The following CYP2E1 variants were observed in gnomAD, a reference collection of about 807,000 sequenced individuals.
The protein encoded by CYP2E1 is cytochrome P450 family 2 subfamily E member 1, also known as cytochrome P450 2E1.
Under a neutral mutation model 42.9 loss-of-function variants are expected in CYP2E1, and 31 were observed. The ratio of observed to expected loss-of-function variants is 0.72; its 90% CI spans 0.54 to 0.98. The LOEUF (loss-of-function observed/expected upper bound fraction) is 0.98, where lower values mean the gene tolerates loss of function less well. Ranked by LOEUF, CYP2E1 falls within the 50% of genes least tolerant of loss-of-function variation. The probability of loss-of-function intolerance (pLI) is 0.00; values close to 1 mark genes in which losing one functional copy is unlikely to be tolerated. For missense variants in CYP2E1, 565 were observed against 633.2 expected, an observed-to-expected ratio of 0.89 and a Z score of 1.16; for synonymous variants, 244 against 248.9, an observed-to-expected ratio of 0.98 and a Z score of 0.19.
At chr10:133,538,263 C>G (rs1851429459) in intron 8 of CYP2E1, among the ~76,000 whole-genome samples, 1 of 152,128 alleles carries the variant, frequency 6.6e-6, no homozygotes, top group Non-Finnish European at 1.5e-5. Context: ...CAAAACCTAA[C>G]CTTTGGTTAC....
chr10:133,528,721 G>C, intron 2 of CYP2E1, 81 bp downstream of exon 2: 1 of 1,518,956 alleles, frequency 6.6e-7, no homozygotes, highest in Non-Finnish European at 9.0e-7. Flanking sequence ...CGTCGGCGAT[G>C]GCCAAATAAT....
In CYP2E1 at chr10:133,528,551, A is replaced by G; in HGVS notation, c.248A>G (p.Tyr83Cys). ...GSQRMVVMHG[Y>C]KAVKEALLDY... The stretch of plus-strand genomic sequence containing the variant: ...CAGCGCATGGTGGTGATGCACGGCT[A>G]CAAGGCGGTGAAGGAAGCGCTGCTG... Residue 83 changes from tyrosine (Y) to cysteine (C), a missense_variant, in exon 2 of 9, where the codon TAC becomes TGC. By Grantham distance (194) the Tyr-to-Cys change is radical (BLOSUM62 -2). Transcript: ENST00000252945. The G allele has an allele frequency of 6.2e-7, 1 of 1,613,500 alleles. No individual in the cohort carries two copies. The highest frequency in any genetic ancestry group is 8.5e-7 in the Non-Finnish European group (1 of 1,179,942).
In CYP2E1 at chr10:133,537,083, G is replaced by T. The variant is rs1337093867; in HGVS notation, c.988G>T (p.Asp330Tyr). The change falls in exon 7 of 9, where the codon GAC becomes TAC. Residue 330 changes from aspartate (D) to tyrosine (Y), a missense_variant. Physicochemically the swap from Asp to Tyr is radical, Grantham distance 160 (BLOSUM62 -3). Transcript: ENST00000252945. ...GGCAGAGAAGCTCCATGAAGAAATT[G>T]ACAGGGTGATTGGGCCAAGCCGAAT... ...EIEEKLHEEI[D>Y]RVIGPSRIPA... 6.2e-7 allele frequency: 1 copy of T among 1,613,730 alleles called. No individual in the cohort carries two copies. Among genetic ancestry groups the T allele is most frequent in the South Asian group, 1.1e-5 (1 of 91,032 alleles).
At chr10:133,538,004 A>C in intron 8 of CYP2E1, 112 bp downstream of exon 8, 403 of 1,009,584 alleles carry the variant, frequency 4.0e-4, no homozygotes, top group Non-Finnish European at 5.3e-4. Flanking sequence ...CCCAAACCTC[A>C]CTGTGTGCCC....
chr10:133,532,903 G>A (rs779674453), intron 5 of CYP2E1, 35 bp downstream of exon 5: 75 of 1,558,044 alleles, frequency 4.8e-5, no homozygotes, highest in East Asian at 6.8e-5. Flanking sequence ...GGGCTCTCCG[G>A]GGTGGGCAGA....
chr10:133,528,251 T>TTG, intron 1 of CYP2E1: 1 of 502,470 alleles, frequency 2.0e-6, no homozygotes, highest in African/African-American at 1.9e-5. Context: ...GTCCGCGGAG[T>TTG]CCAGGCGGGT....
chr10:133,534,290 G>A (rs1252635842), intron 6 of CYP2E1, among the ~76,000 whole-genome samples: 1 of 152,172 alleles, frequency 6.6e-6, no homozygotes, highest in African/African-American at 2.4e-5. Flanking sequence ...GGAGGGGAGG[G>A]TCCTTGCTGG....
intron 8 of CYP2E1, 106 bp downstream of exon 8, chr10:133,537,998 A>C: frequency 9.0e-7 from 1 of 1,111,844 alleles, no homozygotes; most frequent in Non-Finnish European, 1.3e-6. Flanking sequence ...TGACACCCCA[A>C]ACCTCACTGT....
In CYP2E1 at chr10:133,528,323, G is replaced by C. The variant is rs984333329; in HGVS notation, c.178-158G>C. ...CAGACGCAGCAGCCTCTTGAGGGGAGGGTCTCCCCCACCTCGGGCTGGACA... is the reference window on the plus strand; with the variant it reads ...CAGACGCAGCAGCCTCTTGAGGGGACGGTCTCCCCCACCTCGGGCTGGACA... On this transcript the variant is annotated intron_variant, in intron 1 of 8. Coordinates refer to ENST00000252945, the MANE Select transcript of CYP2E1 (RefSeq NM_000773.4). 3.0e-5 allele frequency: 24 copies of C among 805,156 alleles called. No individual in the cohort carries two copies. The African/African-American group carries it at 4.2e-4, about 14-fold the overall frequency. The allele number at this position is 805,156 out of a possible 1,614,324, so 49.9% of individuals were successfully genotyped here. A position where few individuals can be genotyped will look rare whatever the true frequency, so the allele number is the denominator to read the frequency against.
At chr10:133,534,720 C>T (rs752178205) in intron 6 of CYP2E1, among the ~76,000 whole-genome samples, 1 of 152,186 alleles carries the variant, frequency 6.6e-6, no homozygotes, top group Non-Finnish European at 1.5e-5. Context: ...CTAATGGTCA[C>T]TTGTGGTCTT....
intron 8 of CYP2E1, among the ~76,000 whole-genome samples, 199 bp from the exon 9 acceptor site, chr10:133,538,581 C>T (rs1414174004): frequency 2.0e-5 from 3 of 152,126 alleles, no homozygotes; most frequent in Non-Finnish European, 2.9e-5. Flanking sequence ...GACTGGTCCC[C>T]GAATTAGTCA....
At chr10:133,533,645 G>C (rs1439958667) in intron 5 of CYP2E1, 111 bp from the exon 6 acceptor site, 50 of 1,223,114 alleles carry the variant, frequency 4.1e-5, no homozygotes, top group Non-Finnish European at 5.6e-5. Context: ...TCCACTGGGA[G>C]AGCCTCTTGG....
chr10:133,529,474 G>A (rs1055052980), intron 2 of CYP2E1, among the ~76,000 whole-genome samples: 3 of 152,258 alleles, frequency 2.0e-5, no homozygotes, highest in African/African-American at 7.2e-5. Flanking sequence ...CCACATGGAA[G>A]CCTCTACTTC....
In CYP2E1 at chr10:133,537,234, G is replaced by T. The variant is rs752748963; in HGVS notation, c.1139G>T (p.Gly380Val). ...GCAACCCGAGACACCATTTTCAGAGGATACCTCATCCCCAAGGTTAAGCAA... is the reference window on the plus strand; with the variant it reads ...GCAACCCGAGACACCATTTTCAGAGTATACCTCATCCCCAAGGTTAAGCAA... ...HEATRDTIFR[G>V]YLIPKGTVVV... Residue 380 changes from glycine (G) to valine (V), a missense_variant, in exon 7 of 9, where the codon GGA becomes GTA. Physicochemically the swap from Gly to Val is moderately radical, Grantham distance 109. Transcript: ENST00000252945. 12 of 1,613,726 alleles carry T rather than the reference G, an allele frequency of 7.4e-6. No homozygotes were observed. The South Asian group carries it at 1.1e-4, about 15-fold the overall frequency.
chr10:133,530,228 A>C (rs1448681629), intron 2 of CYP2E1, among the ~76,000 whole-genome samples: 1 of 152,234 alleles, frequency 6.6e-6, no homozygotes, highest in Non-Finnish European at 1.5e-5. Context: ...TTAGCACAAT[A>C]CTGAGCACAG....
In CYP2E1 at chr10:133,532,684, C is replaced by A; in HGVS notation, c.649-8C>A. 6.3e-7 allele frequency: 1 copy of A among 1,575,824 alleles called. No homozygotes were observed. Among genetic ancestry groups the A allele is most frequent in the Non-Finnish European group, 8.6e-7 (1 of 1,165,334 alleles). On this transcript the variant is annotated splice_polypyrimidine_tract_variant and splice_region_variant and intron_variant, in intron 4 of 8. Coordinates refer to ENST00000252945, the MANE Select transcript of CYP2E1 (RefSeq NM_000773.4). ...AAAAAGTAGTAAAATATTTTTTTCCCTCTCTAGCTTTACAATAATTTTCCC... is the reference window on the plus strand; with the variant it reads ...AAAAAGTAGTAAAATATTTTTTTCCATCTCTAGCTTTACAATAATTTTCCC...
Position 133,538,885 on chromosome 10 carries a change from A to G in CYP2E1, c.1403A>G (p.Asp468Gly), listed in dbSNP as rs1203554290. ...FNLKPLVDPKDIDLSPIHIGF... is the reference protein window; with the variant it reads ...FNLKPLVDPKGIDLSPIHIGF... ...TTGAAGCCTCTCGTTGACCCAAAGG[A>G]TATCGACCTCAGCCCTATACATATT... Residue 468 changes from aspartate (D) to glycine (G), a missense_variant, in exon 9 of 9, where the codon GAT becomes GGT. By Grantham distance (94) the Asp-to-Gly change is moderately conservative. Transcript: ENST00000252945. The G allele has an allele frequency of 1.9e-6, 3 of 1,613,956 alleles. No homozygotes were observed. The highest frequency in any genetic ancestry group is 1.7e-5 in the Admixed American group (1 of 59,984).
intron 5 of CYP2E1, among the ~76,000 whole-genome samples, chr10:133,533,457 C>T (rs1452995328): frequency 2.6e-5 from 4 of 152,182 alleles, no homozygotes; most frequent in Admixed American, 6.5e-5. Flanking sequence ...TAGCAGGAGC[C>T]GTTTAGCTCC....
intron 7 of CYP2E1, 54 bp from the exon 8 acceptor site, chr10:133,537,697 G>C: frequency 6.5e-7 from 1 of 1,527,804 alleles, no homozygotes; most frequent in Admixed American, 1.8e-5. Context: ...GTTTCCAGAT[G>C]AAAGCCCACA....
Sources: gnomAD v4.1 joint callset for allele counts (sites outside exome capture counted in the v4.1 genomes callset) on GRCh38, gnomAD v4.1.1 for gene constraint, MANE v1.5 for transcripts, NCBI Gene and HGNC (gene_info 2026-07-23, HGNC 2026-07-21) for gene names.